PKP1: variants seen among roughly 807,000 people sequenced by gnomAD.
PKP1 encodes plakophilin 1.
In PKP1, 27 loss-of-function variants were observed where a neutral mutation model predicts 76.4. That is an observed-to-expected ratio of 0.35 (90% CI 0.26 to 0.49). The LOEUF (loss-of-function observed/expected upper bound fraction) is 0.49. Among genes scored for constraint, PKP1 ranks in the 20% least tolerant of loss-of-function variants. The pLI is 0.99. For missense variants in PKP1, 964 were observed against 955.2 expected, an observed-to-expected ratio of 1.01 and a Z score of -0.12; for synonymous variants, 404 against 384.2, an observed-to-expected ratio of 1.05 and a Z score of -0.60.
At chr1:201,307,733 G>A (rs1199167255) in intron 2 of PKP1, among the ~76,000 whole-genome samples, 1 of 152,200 alleles carries the variant, frequency 6.6e-6, no homozygotes, top group Non-Finnish European at 1.5e-5. Flanking sequence ...AGTGGGGAGT[G>A]GCAGGTACTA....
At chr1:201,323,210 T>C (rs757982313) in intron 9 of PKP1, 21 bp downstream of exon 9, 3 of 1,610,234 alleles carry the variant, frequency 1.9e-6, no homozygotes, top group South Asian at 2.2e-5. Context: ...CTGTACCTTC[T>C]CTACTGCAGC....
chr1:201,308,827 G>A (rs779152186), intron 2 of PKP1, among the ~76,000 whole-genome samples: 1 of 152,172 alleles, frequency 6.6e-6, no homozygotes, highest in Non-Finnish European at 1.5e-5. Context: ...AAGGAAGGTG[G>A]AGTGATGGCA....
At position 201,323,036 on chromosome 1, in the gene PKP1, G is replaced by T; in HGVS notation, c.1527G>T (p.Leu509=). Residue 509 remains leucine (L), a synonymous_variant, in exon 9 of 14, where the codon CTG becomes CTT. Transcript: ENST00000367324. ...AGAACAACAACTATGACTGCCCCCT[G>T]CCTGAGGAAGAGACCAACCCCAAGG... The part of the protein sequence containing the change: ...KMMNNNYDCP[L]PEEETNPKGS... The T allele has an allele frequency of 6.2e-7, 1 of 1,614,122 alleles. No homozygotes were observed. Among genetic ancestry groups the T allele is most frequent in the Non-Finnish European group, 8.5e-7 (1 of 1,180,014 alleles).
intron 2 of PKP1, among the ~76,000 whole-genome samples, chr1:201,300,154 A>G (rs1305298308): frequency 6.6e-6 from 1 of 152,240 alleles, no homozygotes; most frequent in Non-Finnish European, 1.5e-5. Flanking sequence ...TTGCCAAGGG[A>G]CAGAATGTGC....
intron 2 of PKP1, among the ~76,000 whole-genome samples, chr1:201,311,429 C>T (rs953054968): frequency 1.3e-5 from 2 of 152,138 alleles, no homozygotes; most frequent in Admixed American, 6.5e-5. Flanking sequence ...CACAGCTGGG[C>T]GTGTGGGTGA....
intron 1 of PKP1, among the ~76,000 whole-genome samples, chr1:201,286,972 C>A (rs375307758): frequency 1.3e-5 from 2 of 152,164 alleles, no homozygotes; most frequent in Admixed American, 6.5e-5. Context: ...AGCGCTCCCC[C>A]GCCACTGTGA....
intron 1 of PKP1, among the ~76,000 whole-genome samples, chr1:201,285,240 A>ACACT (rs1410511934): frequency 7.3e-5 from 11 of 151,144 alleles, no homozygotes; most frequent in African/African-American, 2.7e-4. Flanking sequence ...ACACACACAC[A>ACACT]CACACACACA....
chr1:201,329,845 G>A (rs945532838), intron 13 of PKP1, among the ~76,000 whole-genome samples: 1 of 152,218 alleles, frequency 6.6e-6, no homozygotes, highest in African/African-American at 2.4e-5. Context: ...TTCTTTCTTA[G>A]TGAGGAAGAC....
chr1:201,317,853 G>A, intron 5 of PKP1, 74 bp downstream of exon 5: 2 of 1,391,436 alleles, frequency 1.4e-6, no homozygotes, highest in South Asian at 1.2e-5. Context: ...AGGCTGGGGT[G>A]CAAGCCTGTC....
intron 4 of PKP1, among the ~76,000 whole-genome samples, chr1:201,316,928 A>T (rs1656770066): frequency 6.6e-6 from 1 of 152,218 alleles, no homozygotes; most frequent in South Asian, 2.1e-4. Context: ...TCCATTGGTC[A>T]TGGAAGAGAC....
intron 6 of PKP1, 31 bp from the exon 7 acceptor site, chr1:201,320,236 C>T: frequency 7.1e-7 from 1 of 1,414,720 alleles, no homozygotes; most frequent in Non-Finnish European, 1.0e-6. Context: ...CCCCCTTTCT[C>T]TGCCCTCTTC....
intron 8 of PKP1, among the ~76,000 whole-genome samples, chr1:201,322,639 A>G (rs781540787): frequency 2.6e-5 from 4 of 152,138 alleles, no homozygotes; most frequent in Non-Finnish European, 4.4e-5. Context: ...GGGTGGGTCA[A>G]ACCTACTGTC....
chr1:201,311,963 C>T (rs573875583), intron 2 of PKP1, among the ~76,000 whole-genome samples: 4 of 152,338 alleles, frequency 2.6e-5, no homozygotes, highest in Non-Finnish European at 4.4e-5. Flanking sequence ...CCAAGGAGGC[C>T]GACTCCCCAC....
At chr1:201,319,874 A>G in intron 6 of PKP1, 15 of 1,614,108 alleles carry the variant, frequency 9.3e-6, no homozygotes, top group Non-Finnish European at 1.3e-5. Context: ...CACTAGTAGC[A>G]GGGTGTGAGC....
At chr1:201,319,432 T>C (rs1005015735) in intron 6 of PKP1, among the ~76,000 whole-genome samples, 5 of 152,154 alleles carry the variant, frequency 3.3e-5, no homozygotes, top group Non-Finnish European at 1.5e-5. Context: ...CTTGCTTTAA[T>C]GGGATTTGTC....
At chr1:201,313,679 T>C in intron 3 of PKP1, 119 bp downstream of exon 3, 1 of 1,111,748 alleles carries the variant, frequency 9.0e-7, no homozygotes, top group Non-Finnish European at 1.3e-6. Flanking sequence ...CTTCTGTCCC[T>C]GGGGAGTTCA....
intron 1 of PKP1, among the ~76,000 whole-genome samples, chr1:201,287,925 G>A (rs995315300): frequency 3.3e-5 from 5 of 152,164 alleles, no homozygotes; most frequent in African/African-American, 1.2e-4. Flanking sequence ...CTAGGCATAC[G>A]CTGGACACAT....
At chr1:201,284,867 CCT>C (rs1655683805) in intron 1 of PKP1, among the ~76,000 whole-genome samples, 1 of 152,132 alleles carries the variant, frequency 6.6e-6, no homozygotes, top group Non-Finnish European at 1.5e-5. Context: ...CCTCCTCCAG[CCT>C]CTGAGAGGCC....
At chr1:201,322,888 C>T (rs904442449) in intron 8 of PKP1, 125 bp from the exon 9 acceptor site, 14 of 954,076 alleles carry the variant, frequency 1.5e-5, no homozygotes, top group African/African-American at 6.5e-5. Context: ...CCTCTGCAGG[C>T]GCTTCCTCAG....
Sources: allele counts gnomAD v4.1 joint callset (sites outside exome capture counted in the v4.1 genomes callset), GRCh38; gene constraint gnomAD v4.1.1; transcripts MANE v1.5; gene names NCBI Gene and HGNC (gene_info 2026-07-23, HGNC 2026-07-21).